The following CALN1 variants were observed in gnomAD, a reference collection of about 807,000 sequenced individuals.
CALN1 encodes calneuron 1.
CALN1 carries 17 observed loss-of-function variants against 30.6 expected under a neutral mutation model. The ratio of observed to expected loss-of-function variants is 0.56; its 90% CI spans 0.38 to 0.83. The LOEUF (loss-of-function observed/expected upper bound fraction) is 0.83, where lower values mean the gene tolerates loss of function less well. Among genes scored for constraint, CALN1 ranks in the 40% least tolerant of loss-of-function variants. CALN1 has a pLI of 0.00. For synonymous variants in CALN1, 156 were observed against 131.4 expected, an observed-to-expected ratio of 1.19 and a Z score of -1.28; for missense variants, 291 against 354.9, an observed-to-expected ratio of 0.82 and a Z score of 1.45.
At chr7:71,842,216 C>T (rs1789980580) in intron 5 of CALN1, among the ~76,000 whole-genome samples, 1 of 152,104 alleles carries the variant, frequency 6.6e-6, no homozygotes, top group Admixed American at 6.6e-5. Context: ...CAGGATTCAC[C>T]CAATGTGACA....
At chr7:71,918,324 C>T (rs1196575929) in intron 5 of CALN1, among the ~76,000 whole-genome samples, 2 of 152,194 alleles carry the variant, frequency 1.3e-5, no homozygotes, top group Non-Finnish European at 2.9e-5. Context: ...AAATTGCTTC[C>T]TTTGAAACAA....
At chr7:72,395,100 T>C (rs1805832409) in intron 2 of CALN1, among the ~76,000 whole-genome samples, 1 of 152,144 alleles carries the variant, frequency 6.6e-6, no homozygotes, top group African/African-American at 2.4e-5. Flanking sequence ...AGTACTAACC[T>C]ACCTCCCCAA....
intron 4 of CALN1, among the ~76,000 whole-genome samples, chr7:72,102,160 G>A (rs762047326): frequency 6.6e-6 from 1 of 152,000 alleles, no homozygotes; most frequent in Non-Finnish European, 1.5e-5. Context: ...TAAACATTAC[G>A]AGGGCTGGGT....
intron 4 of CALN1, among the ~76,000 whole-genome samples, chr7:72,103,808 C>A (rs1182701229): frequency 6.6e-6 from 1 of 151,874 alleles, no homozygotes; most frequent in Non-Finnish European, 1.5e-5. Flanking sequence ...CAGATCTGGA[C>A]AATGGGAACG....
At chr7:72,385,174 C>G (rs189323901) in intron 2 of CALN1, among the ~76,000 whole-genome samples, 4 of 152,270 alleles carry the variant, frequency 2.6e-5, no homozygotes, top group East Asian at 3.9e-4. Context: ...AAATGTGAAG[C>G]AACAAGAACT....
chr7:72,283,760 TG>T (rs1797887631), intron 2 of CALN1, among the ~76,000 whole-genome samples: 4 of 152,158 alleles, frequency 2.6e-5, no homozygotes, highest in Admixed American at 2.0e-4. Context: ...TAAACCACTG[TG>T]CTGAGGGATC....
chr7:71,814,806 T>G (rs558121651), intron 5 of CALN1, among the ~76,000 whole-genome samples: 1 of 152,136 alleles, frequency 6.6e-6, no homozygotes, highest in African/African-American at 2.4e-5. Flanking sequence ...GTACAATACA[T>G]ATAACATACA....
intron 3 of CALN1, among the ~76,000 whole-genome samples, chr7:72,168,671 T>C (rs1230525539): frequency 6.6e-6 from 1 of 152,130 alleles, no homozygotes; most frequent in Non-Finnish European, 1.5e-5. Flanking sequence ...CAGTCTATTA[T>C]CATAATTTTA....
At chr7:72,313,981 C>T (rs531172310) in intron 2 of CALN1, among the ~76,000 whole-genome samples, 169 of 152,278 alleles carry the variant, frequency 1.1e-3, no homozygotes, top group African/African-American at 3.8e-3. Context: ...GACAACAGGG[C>T]AGACAGACAG....
chr7:72,127,512 A>G (rs946670036), intron 3 of CALN1, among the ~76,000 whole-genome samples: 5 of 152,186 alleles, frequency 3.3e-5, no homozygotes, highest in Non-Finnish European at 7.4e-5. Flanking sequence ...GAGAGCAGAG[A>G]GAGGCTGCTT....
At chr7:72,103,028 G>A (rs1327296045) in intron 4 of CALN1, among the ~76,000 whole-genome samples, 2 of 139,364 alleles carry the variant, frequency 1.4e-5, no homozygotes, top group African/African-American at 5.5e-5. Context: ...AGCAGAGATT[G>A]TGCCACTGCA....
intron 3 of CALN1, among the ~76,000 whole-genome samples, chr7:72,225,115 C>A (rs1459934493): frequency 1.3e-5 from 2 of 150,804 alleles, no homozygotes; most frequent in African/African-American, 4.9e-5. Flanking sequence ...AAAAAAAAAG[C>A]ACGATATTCC....
chr7:72,464,959 T>C, the CALN1 span, among the ~76,000 whole-genome samples: 4 of 152,286 alleles, frequency 2.6e-5, no homozygotes, highest in East Asian at 7.7e-4. Context: ...AGAACCTCCA[T>C]GTCCTCTTGA....
At chr7:72,366,849 T>A (rs1803906244) in intron 2 of CALN1, among the ~76,000 whole-genome samples, 1 of 150,658 alleles carries the variant, frequency 6.6e-6, no homozygotes. Flanking sequence ...GGTGTTGACA[T>A]GCTCACAAAA....
intron 5 of CALN1, among the ~76,000 whole-genome samples, chr7:71,951,701 T>C (rs1244098551): frequency 1.3e-5 from 2 of 152,148 alleles, no homozygotes; most frequent in East Asian, 3.9e-4. Flanking sequence ...TGCTATAGCA[T>C]CTCTAAATAT....
At chr7:72,190,335 A>G (rs1176631306) in intron 3 of CALN1, among the ~76,000 whole-genome samples, 2 of 152,212 alleles carry the variant, frequency 1.3e-5, no homozygotes, top group Non-Finnish European at 2.9e-5. Context: ...TGGGTGACAG[A>G]GCAAGACTCC....
At position 71,925,696 on chromosome 7, in the gene CALN1, C is replaced by G. The variant is rs190615080; in HGVS notation, c.501+97961G>C. On this transcript the variant is annotated intron_variant, in intron 5 of 6. Coordinates refer to ENST00000395275, the MANE Select transcript of CALN1 (RefSeq NM_031468.4). ...TCAGCTCTGAATGCATCTTCCAATA[C>G]AGGCAATACAATAAAGTGTGAGAAG... 5.8e-4 allele frequency among the ~76,000 whole-genome samples: 88 copies of G among 152,124 alleles called. No individual in the cohort carries two copies. The East Asian group carries it at 9.7e-3, about 17-fold the overall frequency.
chr7:72,157,588 G>A (rs1455601975), intron 3 of CALN1, among the ~76,000 whole-genome samples: 1 of 152,054 alleles, frequency 6.6e-6, no homozygotes, highest in Admixed American at 6.5e-5. Context: ...AAAAAAAACA[G>A]GGTATTTTTG....
At chr7:72,027,344 T>C (rs932874257) in intron 4 of CALN1, among the ~76,000 whole-genome samples, 6 of 152,188 alleles carry the variant, frequency 3.9e-5, no homozygotes, top group Non-Finnish European at 1.5e-5. Flanking sequence ...ATCATCTCAC[T>C]ATCTGCACCC....
Sources: allele counts gnomAD v4.1 joint callset (sites outside exome capture counted in the v4.1 genomes callset), GRCh38; gene constraint gnomAD v4.1.1; transcripts MANE v1.5; gene names NCBI Gene and HGNC (gene_info 2026-07-23, HGNC 2026-07-21).